Variants in PAGE2B observed in about 807,000 individuals in gnomAD.
The protein encoded by PAGE2B is PAGE family member 2B, also known as putative G antigen family E member 3.
In PAGE2B, 5 loss-of-function variants were observed where a neutral mutation model predicts 7.6. That is an observed-to-expected ratio of 0.66 (90% CI 0.34 to 1.38). PAGE2B has a LOEUF of 1.38. Among genes scored for constraint, PAGE2B ranks in the 40% most tolerant of loss-of-function variants. The pLI is 0.04. For missense variants in PAGE2B, 70 were observed against 78.4 expected (o/e 0.89, Z 0.41); for synonymous variants, 29 against 26.7 (o/e 1.09, Z -0.27).
the PAGE2B span, among the ~76,000 whole-genome samples, chrX:55,038,813 T>C: frequency 9.0e-6 from 1 of 111,619 alleles, no homozygotes; most frequent in African/African-American, 3.3e-5. Flanking sequence ...TACTAGTTCA[T>C]GTGTGAGTTG....
the PAGE2B span, among the ~76,000 whole-genome samples, chrX:55,038,061 TA>T: frequency 1.8e-5 from 2 of 109,093 alleles, no homozygotes; most frequent in Admixed American, 2.0e-4. Context: ...TAATAAAAAA[TA>T]AAAATAAAAA....
At chrX:55,038,708 T>C in the PAGE2B span, among the ~76,000 whole-genome samples, 1 of 111,932 alleles carries the variant, frequency 8.9e-6, no homozygotes, top group Non-Finnish European at 1.9e-5. Context: ...TTACTAGGTA[T>C]GATGCTTCAA....
the PAGE2B span, among the ~76,000 whole-genome samples, chrX:55,036,723 A>G: frequency 9.1e-6 from 1 of 109,683 alleles, no homozygotes; most frequent in East Asian, 2.8e-4. Flanking sequence ...ATGGAACAGA[A>G]CAGAGCCCTC....
chrX:55,046,294 A>G, the PAGE2B span, among the ~76,000 whole-genome samples: 1 of 110,321 alleles, frequency 9.1e-6, no homozygotes, highest in Non-Finnish European at 1.9e-5. Context: ...TTATATTTTT[A>G]GTAGAGACGG....
the PAGE2B span, among the ~76,000 whole-genome samples, chrX:55,037,773 C>T: frequency 3.4e-4 from 37 of 108,346 alleles, no homozygotes; most frequent in Admixed American, 2.1e-3. Context: ...AAGCTGGAAA[C>T]CATCATTCTT....
the PAGE2B span, among the ~76,000 whole-genome samples, chrX:55,042,690 A>C: frequency 3.9e-5 from 4 of 103,418 alleles, no homozygotes; most frequent in Admixed American, 3.1e-4. Flanking sequence ...AAAAAAAAGA[A>C]ATCATAGAAA....
chrX:55,074,175 T>G (rs1385246530), upstream of PAGE2B, among the ~76,000 whole-genome samples: 2 of 111,581 alleles, frequency 1.8e-5, no homozygotes, highest in Non-Finnish European at 3.8e-5. Flanking sequence ...GATAGAGAGA[T>G]TCTAAAATAG....
chrX:55,045,818 A>G, the PAGE2B span, among the ~76,000 whole-genome samples: 2 of 112,328 alleles, frequency 1.8e-5, no homozygotes, highest in African/African-American at 6.5e-5. Flanking sequence ...TTTGAAAACA[A>G]GAAACAGAAA....
At chrX:55,060,047 A>C in the PAGE2B span, among the ~76,000 whole-genome samples, 3 of 111,519 alleles carry the variant, frequency 2.7e-5, no homozygotes, top group Middle Eastern at 4.6e-3. Context: ...ATTGATGGAC[A>C]CTTAGGCTGA....
chrX:55,045,653 C>T, the PAGE2B span, among the ~76,000 whole-genome samples: 1 of 110,888 alleles, frequency 9.0e-6, no homozygotes, highest in Admixed American at 9.7e-5. Context: ...GAAATAGGTT[C>T]CTAGGAACCT....
the PAGE2B span, among the ~76,000 whole-genome samples, chrX:55,036,814 T>G: frequency 9.1e-6 from 1 of 109,762 alleles, no homozygotes; most frequent in East Asian, 2.8e-4. Context: ...GATTCCCTAT[T>G]TAATAAATGG....
At chrX:55,075,316 G>T (rs1383484300) in intron 1 of PAGE2B, among the ~76,000 whole-genome samples, 1 of 111,806 alleles carries the variant, frequency 8.9e-6, no homozygotes, top group Non-Finnish European at 1.9e-5. Context: ...GACGAGGGAG[G>T]AAGGTGGGCC....
chrX:55,032,045 T>G, the PAGE2B span, among the ~76,000 whole-genome samples: 3 of 112,047 alleles, frequency 2.7e-5, no homozygotes, highest in East Asian at 8.4e-4. Context: ...CTTATTGATA[T>G]AAATTTAGGT....
At chrX:55,043,417 G>A in the PAGE2B span, among the ~76,000 whole-genome samples, 2 of 110,428 alleles carry the variant, frequency 1.8e-5, no homozygotes, top group African/African-American at 3.3e-5. Flanking sequence ...CAGAGTGGGA[G>A]AAAATCTTCA....
chrX:55,075,394 G>C (rs1279574573), intron 1 of PAGE2B, among the ~76,000 whole-genome samples: 1 of 110,588 alleles, frequency 9.0e-6, no homozygotes, highest in Non-Finnish European at 1.9e-5. Flanking sequence ...TCTGAGTCTC[G>C]AAAACTCCTG....
chrX:55,044,478 A>C, the PAGE2B span, among the ~76,000 whole-genome samples: 4 of 111,363 alleles, frequency 3.6e-5, no homozygotes. Flanking sequence ...GGGGTGAGGG[A>C]TAAAAGACTA....
At chrX:55,068,702 C>G in the PAGE2B span, among the ~76,000 whole-genome samples, 1 of 111,632 alleles carries the variant, frequency 9.0e-6, no homozygotes, top group Non-Finnish European at 1.9e-5. Context: ...TTTGTGTCCT[C>G]TCTTATTTCA....
intron 2 of PAGE2B, 99 bp downstream of exon 2, chrX:55,076,224 A>T (rs1250763716): frequency 5.3e-5 from 50 of 949,417 alleles, no homozygotes; most frequent in Admixed American, 9.5e-5. Context: ...TTCCATGCTG[A>T]TAAAAAATGA....
At chrX:55,028,766 T>G in the PAGE2B span, among the ~76,000 whole-genome samples, 1 of 110,477 alleles carries the variant, frequency 9.1e-6, no homozygotes, top group Non-Finnish European at 1.9e-5. Flanking sequence ...GGGCTCTGTT[T>G]CTATTCCATC....
Sources: allele counts gnomAD v4.1 joint callset (sites outside exome capture counted in the v4.1 genomes callset), GRCh38; gene constraint gnomAD v4.1.1; transcripts MANE v1.5; gene names NCBI Gene and HGNC (gene_info 2026-07-23, HGNC 2026-07-21).